The following KRT25 variants were observed in gnomAD, a reference collection of about 807,000 sequenced individuals.
The protein encoded by KRT25 is keratin 25.
A neutral mutation model predicts 47.6 loss-of-function variants in KRT25; 37 were observed. The observed-to-expected ratio is 0.78, with a 90% CI of 0.60 to 1.02. The LOEUF is 1.02. KRT25 is among the 50% of genes least tolerant of loss of function. KRT25 has a pLI of 0.00. For synonymous variants in KRT25, 203 were observed against 210.2 expected (o/e 0.97, Z 0.30); for missense variants, 542 against 550.3 (o/e 0.98, Z 0.15).
intron 3 of KRT25, 110 bp from the exon 4 acceptor site, chr17:40,751,436 G>T: frequency 8.2e-7 from 1 of 1,213,402 alleles, no homozygotes; most frequent in Non-Finnish European, 1.1e-6. Context: ...CTCCCAGGCT[G>T]TGCATTGACC....
intron 3 of KRT25, among the ~76,000 whole-genome samples, chr17:40,753,424 C>T (rs191551115): frequency 4.9e-4 from 74 of 151,090 alleles, no homozygotes; most frequent in African/African-American, 1.7e-3. Context: ...AGGCCGGGTG[C>T]GGTGGCTCAC....
rs71152701 is a variant in KRT25 at position 40,751,883 on chromosome 17, C to CGTGTGTGTGT, written c.670-567_670-558dup. Reference sequence around the variant, plus strand: ...ATGTGTGTGTGTGTGTGTGTGCGTGCGTGTGTGTGTGTGTGTGTGTGTGTG... The same window carrying CGTGTGTGTGT: ...ATGTGTGTGTGTGTGTGTGTGCGTGCGTGTGTGTGTGTGTGTGTGTGTGTGTGTGTGTGTG... On this transcript the variant is annotated intron_variant, in intron 3 of 7. Coordinates refer to ENST00000312150, the MANE Select transcript of KRT25 (RefSeq NM_181534.4). Among the ~76,000 whole-genome samples the CGTGTGTGTGT allele has an allele frequency of 4.1e-3, 617 of 149,012 alleles. 3 individuals are homozygous for CGTGTGTGTGT. The highest frequency in any genetic ancestry group is 0.014 in the African/African-American group (579 of 40,218).
At position 40,755,153 on chromosome 17, in the gene KRT25, C is replaced by T. The variant is rs529728231; in HGVS notation, c.119G>A (p.Gly40Glu). Residue 40 changes from glycine to glutamate, a missense_variant, in exon 1 of 8, where the codon GGG (glycine) becomes GAG (glutamate). By Grantham distance (98) the Gly-to-Glu change is moderately conservative. Transcript: ENST00000312150. The part of the protein sequence containing the change: ...FGTGNSCGIS[G>E]IGSGFSSAFG... ...GGCACTAGAGAAGCCACTTCCAATCCCTGAAATGCCACAAGAATTTCCAGT... is the reference window on the plus strand; with the variant it reads ...GGCACTAGAGAAGCCACTTCCAATCTCTGAAATGCCACAAGAATTTCCAGT... 4.3e-6 allele frequency: 7 copies of T among 1,614,198 alleles called. No homozygotes were observed. In the South Asian group the frequency reaches 6.6e-5, roughly 15 times the overall value.
In KRT25 at chr17:40,749,320, C is replaced by G. The variant is rs1199823286; in HGVS notation, c.1181G>C (p.Cys394Ser). ...TTTAGACTTGTAACCCCCAGACTTA[C>G]AGGCTCTGTGAAAACATCGCAAAAG... ...CLLIGGDDGACKSGGYKSKDY... is the reference protein window; with the variant it reads ...CLLIGGDDGASKSGGYKSKDY... The change falls in exon 7 of 8, where the codon TGT (cysteine) becomes TCT (serine). Residue 394 changes from cysteine to serine, a missense_variant. Coordinates refer to ENST00000312150, the MANE Select transcript of KRT25 (RefSeq NM_181534.4). 29 of 1,612,754 alleles carry G rather than the reference C, an allele frequency of 1.8e-5. No individual in the cohort carries two copies. The highest frequency in any genetic ancestry group is 2.3e-5 in the Non-Finnish European group (27 of 1,178,900).
intron 3 of KRT25, among the ~76,000 whole-genome samples, chr17:40,752,841 G>A (rs2038062392): frequency 6.6e-6 from 1 of 152,072 alleles, no homozygotes; most frequent in Non-Finnish European, 1.5e-5. Flanking sequence ...TTAAGCATTT[G>A]GCTTGACCAT....
rs372057844 is a variant in KRT25 at position 40,754,438 on chromosome 17, C to T, written c.460G>A (p.Ala154Thr). ...CTGGCATTATCGATCTGCAGAACAG[C>T]ATTAGCATTGCTGGTGGTGGATGCG... is the stretch of plus-strand genomic sequence containing the variant. ...IIASTTSNAN[A>T]VLQIDNARLT... Residue 154 changes from alanine to threonine, a missense_variant, in exon 2 of 8, where the codon GCT (alanine) becomes ACT (threonine). Physicochemically the swap from Ala to Thr is moderately conservative, Grantham distance 58. Transcript: ENST00000312150. The T allele has an allele frequency of 6.2e-7, 1 of 1,614,004 alleles. No individual in the cohort carries two copies.
intron 3 of KRT25, among the ~76,000 whole-genome samples, chr17:40,752,683 T>C (rs914191391): frequency 5.9e-5 from 9 of 152,202 alleles, no homozygotes. Context: ...CAAAAATCAA[T>C]TGCTTTTGAT....
At chr17:40,751,357 T>C (rs749787532) in intron 3 of KRT25, 31 bp from the exon 4 acceptor site, 1 of 1,570,736 alleles carries the variant, frequency 6.4e-7, no homozygotes, top group Non-Finnish European at 8.6e-7. Flanking sequence ...TGCTCAGCTC[T>C]GCAGGAATCT....
At chr17:40,754,519 T>C in intron 1 of KRT25, 51 bp from the exon 2 acceptor site, 4 of 1,435,424 alleles carry the variant, frequency 2.8e-6, no homozygotes, top group Non-Finnish European at 2.0e-6. Context: ...CTGAATCTAC[T>C]TAATGCTTAT....
chr17:40,749,876 A>AT (rs1326186047), intron 6 of KRT25, among the ~76,000 whole-genome samples: 1 of 152,032 alleles, frequency 6.6e-6, no homozygotes, highest in Non-Finnish European at 1.5e-5. Flanking sequence ...TTCCTTTTAT[A>AT]TTAACATCAA....
intron 5 of KRT25, 64 bp from the exon 6 acceptor site, chr17:40,750,661 C>T (rs2038037945): frequency 5.6e-6 from 9 of 1,597,288 alleles, no homozygotes; most frequent in Non-Finnish European, 7.7e-6. Flanking sequence ...TTCTTTGATA[C>T]ATGATTTTCT....
chr17:40,750,346 A>G (rs1022661282), intron 6 of KRT25, 34 bp downstream of exon 6: 10 of 1,605,514 alleles, frequency 6.2e-6, no homozygotes, highest in Admixed American at 1.7e-5. Context: ...AGATTTCAGT[A>G]TATTACGCCA....
intron 6 of KRT25, 33 bp from the exon 7 acceptor site, chr17:40,749,358 A>T (rs373809434): frequency 1.4e-6 from 2 of 1,474,976 alleles, no homozygotes; most frequent in African/African-American, 2.8e-5. Context: ...GGTGATTTAG[A>T]GAGAACCCCA....
Position 40,751,067 on chromosome 17 carries a change from G to T in KRT25, c.844C>A (p.Gln282Lys). The change falls in exon 5 of 8, where the codon CAG becomes AAG. Residue 282 changes from glutamine to lysine, a missense_variant. Gln to Lys is a moderately conservative substitution (Grantham distance 53, BLOSUM62 1). Transcript: ENST00000312150. Reference sequence around the variant, plus strand: ...CCGACATCCTCAGAGATCTGCTGCTGCAGGGAGGCGCTCTGAAATGACATA... The same window carrying T: ...CCGACATCCTCAGAGATCTGCTGCTTCAGGGAGGCGCTCTGAAATGACATA... ...AWFNEKSASL[Q>K]QQISEDVGAT... is the part of the protein sequence containing the mutation. 6.2e-7 allele frequency: 1 copy of T among 1,614,184 alleles called. No homozygotes were observed. Among genetic ancestry groups the T allele is most frequent in the Non-Finnish European group, 8.5e-7 (1 of 1,180,034 alleles).
At chr17:40,751,858 A>ATGTATGTG (rs2038051322) in intron 3 of KRT25, among the ~76,000 whole-genome samples, 1 of 81,352 alleles carries the variant, frequency 1.2e-5, no homozygotes, top group Non-Finnish European at 2.6e-5. Flanking sequence ...AAATAAATGT[A>ATGTATGTG]TGTGTGTGTG....
At chr17:40,754,339 G>T (rs75069494) in intron 2 of KRT25, 47 bp downstream of exon 2, 1 of 1,453,598 alleles carries the variant, frequency 6.9e-7, no homozygotes. Context: ...GATGTAATGC[G>T]TTGCATGAAT....
At chr17:40,753,230 C>G (rs1400955374) in intron 3 of KRT25, among the ~76,000 whole-genome samples, 1 of 151,890 alleles carries the variant, frequency 6.6e-6, no homozygotes, top group African/African-American at 2.4e-5. Flanking sequence ...TTTATTTTAT[C>G]TAATTAGACT....
rs200119483 is a variant in KRT25, at chr17:40,748,253, A to G, written c.*24T>C. The G allele has an allele frequency of 6.7e-7, 1 of 1,497,076 alleles. No individual in the cohort carries two copies. The highest frequency in any genetic ancestry group is 9.3e-7 in the Non-Finnish European group (1 of 1,078,898). 92.7% of individuals were successfully genotyped at this position (1,497,076 alleles called of 1,614,324 possible). A position where few individuals can be genotyped will look rare whatever the true frequency, so the allele number is the denominator to read the frequency against. On this transcript the variant is annotated 3_prime_UTR_variant, in exon 8 of 8. Coordinates refer to ENST00000312150, the MANE Select transcript of KRT25 (RefSeq NM_181534.4). ...CTTTTCTTCGCAGGGGCTATGTGGC[A>G]TACGTTCTCTGTTGCATCTCAAATT...
intron 3 of KRT25, among the ~76,000 whole-genome samples, chr17:40,751,867 T>A (rs2038051807): frequency 9.7e-6 from 1 of 102,818 alleles, no homozygotes; most frequent in Non-Finnish European, 2.1e-5. Context: ...TATGTGTGTG[T>A]GTGTGTGTGT....
Sources: gnomAD v4.1 joint callset for allele counts (sites outside exome capture counted in the v4.1 genomes callset) on GRCh38, gnomAD v4.1.1 for gene constraint, MANE v1.5 for transcripts, NCBI Gene and HGNC (gene_info 2026-07-23, HGNC 2026-07-21) for gene names.